ZNF475: variants seen among roughly 807,000 people sequenced by gnomAD.
ZNF475 encodes zinc finger protein 475.
At chr5:122,182,101 A>G in the ZNF475 span, among the ~76,000 whole-genome samples, 1 of 152,248 alleles carries the variant, frequency 6.6e-6, no homozygotes, top group African/African-American at 2.4e-5. Context: ...GCTTATATTT[A>G]GAGTCAACTG....
At chr5:122,176,416 C>A in the ZNF475 span, among the ~76,000 whole-genome samples, 1 of 152,142 alleles carries the variant, frequency 6.6e-6, no homozygotes, top group African/African-American at 2.4e-5. Context: ...CTCAACAGAT[C>A]CAGAACAAAA....
chr5:122,175,515 C>A, the ZNF475 span, among the ~76,000 whole-genome samples: 1 of 152,158 alleles, frequency 6.6e-6, no homozygotes, highest in African/African-American at 2.4e-5. Flanking sequence ...GAATATTCTT[C>A]CCTAATTGAA....
chr5:122,177,423 T>A, the ZNF475 span, among the ~76,000 whole-genome samples: 1 of 152,230 alleles, frequency 6.6e-6, no homozygotes, highest in Non-Finnish European at 1.5e-5. Flanking sequence ...GAATTATGCC[T>A]GATTTATCTT....
the ZNF475 span, among the ~76,000 whole-genome samples, chr5:122,178,089 G>T: frequency 4.7e-4 from 71 of 152,062 alleles, no homozygotes; most frequent in Non-Finnish European, 1.8e-4. Context: ...CTTTTTTAAG[G>T]TTGCACAGTA....
chr5:122,167,352 A>G, the ZNF475 span, among the ~76,000 whole-genome samples: 6 of 152,186 alleles, frequency 3.9e-5, no homozygotes, highest in African/African-American at 1.4e-4. Context: ...GTCCTGAAAA[A>G]AAAGTCTTGA....
At chr5:122,165,133 C>A in the ZNF475 span, among the ~76,000 whole-genome samples, 1 of 152,218 alleles carries the variant, frequency 6.6e-6, no homozygotes, top group Non-Finnish European at 1.5e-5. Context: ...TCAATTAAAT[C>A]ACCTATTGAG....
chr5:122,166,486 C>G, the ZNF475 span, among the ~76,000 whole-genome samples: 1 of 152,184 alleles, frequency 6.6e-6, no homozygotes, highest in African/African-American at 2.4e-5. Flanking sequence ...CTAATGCTAT[C>G]TCCCCCTCCC....
At chr5:122,165,079 T>C in the ZNF475 span, among the ~76,000 whole-genome samples, 1 of 152,228 alleles carries the variant, frequency 6.6e-6, no homozygotes, top group Non-Finnish European at 1.5e-5. Context: ...CCCTGGCACA[T>C]TGTCAGTAAT....
chr5:122,175,908 T>C, the ZNF475 span, among the ~76,000 whole-genome samples: 47 of 152,318 alleles, frequency 3.1e-4, no homozygotes, highest in East Asian at 8.9e-3. Flanking sequence ...TTTCTGCAAG[T>C]TTTTTGAAAG....
chr5:122,166,526 T>C, the ZNF475 span, among the ~76,000 whole-genome samples: 3 of 152,166 alleles, frequency 2.0e-5, no homozygotes, highest in East Asian at 1.9e-4. Flanking sequence ...CAGTGTATGA[T>C]GTTCCCCACC....
the ZNF475 span, among the ~76,000 whole-genome samples, chr5:122,164,269 G>T: frequency 6.6e-6 from 1 of 152,168 alleles, no homozygotes; most frequent in Non-Finnish European, 1.5e-5. Context: ...GGGCAACAGG[G>T]AGTGGTAGAG....
the ZNF475 span, among the ~76,000 whole-genome samples, chr5:122,176,101 A>C: frequency 2.0e-5 from 3 of 152,138 alleles, no homozygotes; most frequent in African/African-American, 7.2e-5. Context: ...ATGACACCAT[A>C]TTTCTGGAAA....
At chr5:122,172,002 C>G in the ZNF475 span, among the ~76,000 whole-genome samples, 1 of 152,192 alleles carries the variant, frequency 6.6e-6, no homozygotes, top group African/African-American at 2.4e-5. Context: ...GCCTTGGTCT[C>G]CCAAAGTGCT....
chr5:122,165,037 G>A, the ZNF475 span, among the ~76,000 whole-genome samples: 5 of 152,322 alleles, frequency 3.3e-5, no homozygotes, highest in Admixed American at 1.3e-4. Flanking sequence ...CCCACTGTTA[G>A]GGCAAGTTCT....
the ZNF475 span, among the ~76,000 whole-genome samples, chr5:122,169,829 A>G: frequency 4.0e-4 from 61 of 152,342 alleles, no homozygotes; most frequent in Non-Finnish European, 8.1e-4. Context: ...AGTACCATAC[A>G]GCCGCACTTG....
chr5:122,179,598 C>A, the ZNF475 span: 6 of 1,527,874 alleles, frequency 3.9e-6, no homozygotes, highest in South Asian at 7.3e-5. Flanking sequence ...CATTTGTGGT[C>A]GTGAATATGG....
chr5:122,167,087 A>G, the ZNF475 span, among the ~76,000 whole-genome samples: 3 of 152,306 alleles, frequency 2.0e-5, no homozygotes, highest in South Asian at 6.2e-4. Flanking sequence ...TCCATCTTGA[A>G]TTAATTTTTG....
the ZNF475 span, among the ~76,000 whole-genome samples, chr5:122,181,758 A>G: frequency 6.6e-6 from 1 of 152,218 alleles, no homozygotes; most frequent in East Asian, 1.9e-4. Context: ...TTCTATTTTA[A>G]CTAAGGTTTA....
chr5:122,170,329 C>A, the ZNF475 span, among the ~76,000 whole-genome samples: 1 of 152,142 alleles, frequency 6.6e-6, no homozygotes, highest in Non-Finnish European at 1.5e-5. Context: ...AGCCAATCTC[C>A]ACTACTGGGA....
Sources: allele counts gnomAD v4.1 joint callset (sites outside exome capture counted in the v4.1 genomes callset), GRCh38; gene constraint gnomAD v4.1.1; transcripts MANE v1.5; gene names NCBI Gene and HGNC (gene_info 2026-07-23, HGNC 2026-07-21).